The following POU3F3 variants were observed in gnomAD, a reference collection of about 807,000 sequenced individuals.
The protein encoded by POU3F3 is POU class 3 homeobox 3, also known as POU domain, class 3, transcription factor 3.
A neutral mutation model predicts 8.6 loss-of-function variants in POU3F3; 1 was observed. That is an observed-to-expected ratio of 0.12 (90% CI 0.04 to 0.55). The LOEUF (loss-of-function observed/expected upper bound fraction) is 0.55. Ranked by LOEUF, POU3F3 falls within the 20% of genes least tolerant of loss-of-function variation. The pLI, the probability that POU3F3 is intolerant of heterozygous loss-of-function variation, is 0.91. For missense variants in POU3F3, 577 were observed against 690.7 expected (o/e 0.84, Z 1.84); for synonymous variants, 418 against 327.4 (o/e 1.28, Z -2.99).
the POU3F3 span, among the ~76,000 whole-genome samples, chr2:104,869,374 T>C: frequency 6.6e-6 from 1 of 152,048 alleles, no homozygotes; most frequent in South Asian, 2.1e-4. Context: ...ATGGAGTGTC[T>C]GTTCTTCTCT....
At chr2:104,927,731 A>G in the POU3F3 span, among the ~76,000 whole-genome samples, 1 of 130,672 alleles carries the variant, frequency 7.7e-6, no homozygotes, top group Non-Finnish European at 1.6e-5. Context: ...TGAGTGACAG[A>G]GTGAGACCTT....
chr2:104,901,528 A>G, the POU3F3 span, among the ~76,000 whole-genome samples: 3 of 152,218 alleles, frequency 2.0e-5, no homozygotes, highest in Non-Finnish European at 4.4e-5. Context: ...CCACGGTGAC[A>G]GCATGTCACC....
At chr2:104,920,015 A>AT in the POU3F3 span, among the ~76,000 whole-genome samples, 1,216 of 151,864 alleles carry the variant, frequency 8.0e-3, 22 homozygotes, top group African/African-American at 0.028. Flanking sequence ...TCATTTATTT[A>AT]TTTTTTTATT....
At chr2:104,877,997 A>T in the POU3F3 span, among the ~76,000 whole-genome samples, 1 of 152,198 alleles carries the variant, frequency 6.6e-6, no homozygotes, top group Non-Finnish European at 1.5e-5. Context: ...TTCTTCCCAC[A>T]GAATACTGTC....
chr2:104,898,018 A>T, the POU3F3 span, among the ~76,000 whole-genome samples: 2 of 152,172 alleles, frequency 1.3e-5, no homozygotes, highest in Admixed American at 6.5e-5. Flanking sequence ...CAGAGTTCCT[A>T]TGTTGAAATC....
chr2:104,909,821 G>A, the POU3F3 span, among the ~76,000 whole-genome samples: 1 of 152,188 alleles, frequency 6.6e-6, no homozygotes, highest in Admixed American at 6.5e-5. Flanking sequence ...GGGGGAAAAA[G>A]CATGCAGGAA....
At chr2:104,918,829 C>T in the POU3F3 span, among the ~76,000 whole-genome samples, 2 of 151,822 alleles carry the variant, frequency 1.3e-5, no homozygotes, top group Admixed American at 6.6e-5. Flanking sequence ...CTGCCCCGAT[C>T]TGCAAAGAGA....
the POU3F3 span, among the ~76,000 whole-genome samples, chr2:104,921,104 A>G: frequency 2.0e-5 from 3 of 152,214 alleles, no homozygotes; most frequent in African/African-American, 7.2e-5. Context: ...ATAGGGGCTC[A>G]GCTTGAGAGG....
At chr2:104,862,579 T>C (rs1676678435), downstream of POU3F3, among the ~76,000 whole-genome samples, 1 of 148,566 alleles carries the variant, frequency 6.7e-6, no homozygotes, top group Non-Finnish European at 1.5e-5. Flanking sequence ...GGTGGGGCGG[T>C]GGCGGTCGCG....
the POU3F3 span, chr2:104,868,456 C>A: frequency 2.4e-6 from 1 of 422,796 alleles, no homozygotes; most frequent in Admixed American, 2.5e-5. Context: ...TTCTTGGTGT[C>A]CCCTTTCTTG....
the POU3F3 span, among the ~76,000 whole-genome samples, chr2:104,918,245 C>T: frequency 6.6e-6 from 1 of 152,202 alleles, no homozygotes; most frequent in African/African-American, 2.4e-5. Context: ...GAATTCCCTC[C>T]AGCAGGCCCG....
In POU3F3 at chr2:104,855,423, G is replaced by GGGGC; in HGVS notation, c.-87_-86insGGCG. On this transcript the variant is annotated 5_prime_UTR_variant, in exon 1 of 1. Coordinates refer to ENST00000361360, the MANE Select transcript of POU3F3 (RefSeq NM_006236.3). ...GGAGGAGGCGGGAGGCGGGGGGCGC[G>GGGGC]GCGGCGGCGGCGGCGGCGGCGGCCG... is the stretch of plus-strand genomic sequence containing the variant. 1 of 399,098 alleles carries GGGGC rather than the reference G, an allele frequency of 2.5e-6. No individual in the cohort carries two copies. Among genetic ancestry groups the GGGGC allele is most frequent in the Non-Finnish European group, 3.3e-6 (1 of 303,048 alleles). The allele number at this position is 399,098 out of a possible 1,614,324, so 24.7% of individuals were successfully genotyped here.
At chr2:104,878,757 G>T in the POU3F3 span, among the ~76,000 whole-genome samples, 1 of 152,162 alleles carries the variant, frequency 6.6e-6, no homozygotes, top group Non-Finnish European at 1.5e-5. Flanking sequence ...ACTGAGGGGG[G>T]TGTTTCTGGG....
At chr2:104,879,793 C>G in the POU3F3 span, among the ~76,000 whole-genome samples, 1 of 152,158 alleles carries the variant, frequency 6.6e-6, no homozygotes, top group South Asian at 2.1e-4. Context: ...GGGGGTGTAT[C>G]CAGGTTGCAG....
the POU3F3 span, among the ~76,000 whole-genome samples, chr2:104,906,554 T>C: frequency 6.6e-6 from 1 of 152,218 alleles, no homozygotes; most frequent in Admixed American, 6.5e-5. Context: ...TGGTGTCCTT[T>C]TTGTCATGTT....
the POU3F3 span, among the ~76,000 whole-genome samples, chr2:104,902,673 T>C: frequency 4.6e-5 from 7 of 152,160 alleles, no homozygotes; most frequent in Non-Finnish European, 2.9e-5. Flanking sequence ...CATTCCCTTA[T>C]AGCAAAAATA....
rs1457999548 is a variant in POU3F3, at chr2:104,856,769, C to T, written c.1259C>T (p.Ala420Val). 2 of 1,614,100 alleles carry T rather than the reference C, an allele frequency of 1.2e-6. No homozygotes were observed. The highest frequency in any genetic ancestry group is 1.7e-6 in the Non-Finnish European group (2 of 1,180,032). Residue 420 changes from alanine (A) to valine (V), a missense_variant, in exon 1 of 1, where the codon GCG becomes GTG. By Grantham distance (64) the Ala-to-Val change is moderately conservative. Around this residue, in one of 7 missense-constraint regions of POU3F3, gnomAD observed 21 missense variants for 41.9 expected, o/e 0.50. Transcript: ENST00000361360. ...TCTATCGAGGTGAGCGTCAAGGGCGCGCTGGAGAGCCACTTCCTCAAGTGC... is the reference window on the plus strand; with the variant it reads ...TCTATCGAGGTGAGCGTCAAGGGCGTGCTGGAGAGCCACTTCCTCAAGTGC... ...RTSIEVSVKGALESHFLKCPK... is the reference protein window; with the variant it reads ...RTSIEVSVKGVLESHFLKCPK...
chr2:104,908,966 A>C, the POU3F3 span, among the ~76,000 whole-genome samples: 1 of 151,894 alleles, frequency 6.6e-6, no homozygotes, highest in Non-Finnish European at 1.5e-5. Flanking sequence ...TCTTTTTTTA[A>C]GTACTTGCAC....
In POU3F3 at chr2:104,855,286, C is replaced by CG. The variant is rs1316865723; in HGVS notation, c.-220dup. ...TGCCGAGCGGCCTTGCAGCTGCAGC[C>CG]GGGGGCCGCGGCGGCGGCGGCGGCG... On this transcript the variant is annotated 5_prime_UTR_variant, in exon 1 of 1. Coordinates refer to ENST00000361360, the MANE Select transcript of POU3F3 (RefSeq NM_006236.3). Among the ~76,000 whole-genome samples, 1 of 147,882 alleles carries CG rather than the reference C, an allele frequency of 6.8e-6. No homozygotes were observed. Among genetic ancestry groups the CG allele is most frequent in the African/African-American group, 2.4e-5 (1 of 40,888 alleles).
Sources: allele counts gnomAD v4.1 joint callset (sites outside exome capture counted in the v4.1 genomes callset), GRCh38; gene constraint gnomAD v4.1.1; regional missense constraint gnomAD v4.1.1; transcripts MANE v1.5; gene names NCBI Gene and HGNC (gene_info 2026-07-23, HGNC 2026-07-21).